The following LRRTM4 variants were observed in gnomAD, a reference collection of about 807,000 sequenced individuals.
The protein encoded by LRRTM4 is leucine rich repeat transmembrane neuronal 4, also known as leucine-rich repeat transmembrane neuronal protein 4.
Under a neutral mutation model 47.6 loss-of-function variants are expected in LRRTM4, and 25 were observed. That is an observed-to-expected ratio of 0.53 (90% confidence interval 0.38 to 0.73). The LOEUF is 0.73. LRRTM4 is among the 30% of genes least tolerant of loss of function. The pLI, the probability that LRRTM4 is intolerant of heterozygous loss-of-function variation, is 0.00. For missense variants in LRRTM4, 638 were observed against 713.4 expected (o/e 0.89, Z 1.20); for synonymous variants, 311 against 269.5 (o/e 1.15, Z -1.51).
chr2:76,781,389 G>A lies in LRRTM4; in HGVS notation c.1552-32473C>T, dbSNP rs370342078. Among the ~76,000 whole-genome samples the A allele has an allele frequency of 1.3e-3, 204 of 152,350 alleles. 2 individuals are homozygous for A. The highest frequency in any genetic ancestry group is 3.1e-3 in the East Asian group (16 of 5,174). ...TTGCAGTTTGATCTCAGACTGCTGT[G>A]CTAGCAATCAGCGAGACTCCGTGGG... On this transcript the variant is annotated intron_variant, in intron 3 of 3. Transcript: ENST00000409884.
chr2:77,229,731 C>T (rs1674912665), intron 3 of LRRTM4, among the ~76,000 whole-genome samples: 1 of 152,090 alleles, frequency 6.6e-6, no homozygotes, highest in South Asian at 2.1e-4. Context: ...ATGTCTCTTC[C>T]TGGAATATCT....
chr2:77,164,316 C>A (rs1272515382), intron 3 of LRRTM4, among the ~76,000 whole-genome samples: 1 of 152,088 alleles, frequency 6.6e-6, no homozygotes, highest in East Asian at 1.9e-4. Flanking sequence ...TAAAGCAAGT[C>A]CTTAGACACC....
At chr2:76,815,602 C>A (rs1241923624) in intron 3 of LRRTM4, among the ~76,000 whole-genome samples, 1 of 152,018 alleles carries the variant, frequency 6.6e-6, no homozygotes, top group African/African-American at 2.4e-5. Context: ...ATAATACAAG[C>A]TTTTATTATT....
In LRRTM4 at chr2:76,748,514, G is replaced by A. The variant is rs536343342; in HGVS notation, c.*181C>T. The A allele has an allele frequency of 5.0e-6, 3 of 597,794 alleles. No individual in the cohort carries two copies. Among genetic ancestry groups the A allele is most frequent in the East Asian group, 2.8e-5 (1 of 36,028 alleles). 37.0% of individuals were successfully genotyped at this position (597,794 alleles called of 1,614,324 possible). The stretch of plus-strand genomic sequence containing the variant: ...CTGCAGTCCTCCCGGTAATGCTGCA[G>A]GTGCATTCGCTGCCCTCTTCAAGCA... On this transcript the variant is annotated 3_prime_UTR_variant, in exon 4 of 4. Coordinates refer to ENST00000409884, the MANE Select transcript of LRRTM4 (RefSeq NM_001134745.3).
intron 3 of LRRTM4, among the ~76,000 whole-genome samples, chr2:77,252,101 A>G (rs1461040968): frequency 1.3e-5 from 2 of 152,180 alleles, no homozygotes; most frequent in East Asian, 3.8e-4. Context: ...TCCGTCATTC[A>G]CCAAACTCAA....
At position 76,777,697 on chromosome 2, in the gene LRRTM4, G is replaced by A. The variant is rs935348979; in HGVS notation, c.1552-28781C>T. 7.1e-3 allele frequency among the ~76,000 whole-genome samples: 1,058 copies of A among 149,874 alleles called. 6 individuals carry two copies. Among genetic ancestry groups the A allele is most frequent in the African/African-American group, 0.024 (956 of 40,628 alleles). ...GGTTTTCTAGATATACAATCATGTCGTCTGCAAACAGGGACAATTTGACTT... is the reference window on the plus strand; with the variant it reads ...GGTTTTCTAGATATACAATCATGTCATCTGCAAACAGGGACAATTTGACTT... On this transcript the variant is annotated intron_variant, in intron 3 of 3. Transcript: ENST00000409884.
At chr2:77,068,255 T>C (rs1212747514) in intron 3 of LRRTM4, among the ~76,000 whole-genome samples, 1 of 152,166 alleles carries the variant, frequency 6.6e-6, no homozygotes, top group Non-Finnish European at 1.5e-5. Flanking sequence ...GCTAGAAACT[T>C]GTAAGTTGTT....
At position 77,509,704 on chromosome 2, in the gene LRRTM4, A is replaced by C. The variant is rs187696375; in HGVS notation, c.1551+8614T>G. 2.0e-5 allele frequency among the ~76,000 whole-genome samples: 3 copies of C among 152,290 alleles called. No individual in the cohort carries two copies. In the East Asian group the frequency reaches 5.8e-4, roughly 29 times the overall value. On this transcript the variant is annotated intron_variant, in intron 3 of 3. Transcript: ENST00000409884. ...TTTACACTGTAGCTTTTTATGGAGG[A>C]GTTCAGAGTGGTTTCTGAATAGTAC...
At chr2:77,163,861 A>T (rs912968456) in intron 3 of LRRTM4, among the ~76,000 whole-genome samples, 32 of 152,324 alleles carry the variant, frequency 2.1e-4, no homozygotes, top group Non-Finnish European at 1.5e-5. Context: ...AAACATGCCA[A>T]ATTGTAAAGA....
At chr2:77,321,165 C>A (rs964895513) in intron 3 of LRRTM4, among the ~76,000 whole-genome samples, 8 of 152,112 alleles carry the variant, frequency 5.3e-5, no homozygotes, top group Non-Finnish European at 1.0e-4. Flanking sequence ...GCATTTCAAT[C>A]TTTCTGTCCT....
At chr2:77,340,171 A>C (rs2104273133) in intron 3 of LRRTM4, among the ~76,000 whole-genome samples, 1 of 152,062 alleles carries the variant, frequency 6.6e-6, no homozygotes, top group Admixed American at 6.6e-5. Flanking sequence ...TCTGTTTGGT[A>C]TCACTAAAAT....
chr2:77,039,326 CT>C (rs11302579), intron 3 of LRRTM4, among the ~76,000 whole-genome samples: 102,396 of 146,582 alleles, frequency 0.7, 36,927 homozygotes, highest in African/African-American at 0.91. Flanking sequence ...AATTGTAAGT[CT>C]TTTTTTTTTT....
At chr2:76,819,351 G>T (rs991916438) in intron 3 of LRRTM4, among the ~76,000 whole-genome samples, 1 of 151,684 alleles carries the variant, frequency 6.6e-6, no homozygotes, top group Admixed American at 6.6e-5. Context: ...AAAATAGTAC[G>T]CATACTTCCC....
intron 3 of LRRTM4, among the ~76,000 whole-genome samples, chr2:77,179,036 T>C (rs999596195): frequency 6.6e-6 from 1 of 152,208 alleles, no homozygotes; most frequent in Non-Finnish European, 1.5e-5. Flanking sequence ...TTTTAGCTTC[T>C]ATAATCTGTA....
At chr2:77,202,571 G>A (rs1276665003) in intron 3 of LRRTM4, among the ~76,000 whole-genome samples, 3 of 150,218 alleles carry the variant, frequency 2.0e-5, no homozygotes, top group Non-Finnish European at 3.0e-5. Flanking sequence ...CCAGAAAGTC[G>A]AGCCTAAGAA....
chr2:77,487,201 C>G (rs1377465244), intron 3 of LRRTM4, among the ~76,000 whole-genome samples: 1 of 152,294 alleles, frequency 6.6e-6, no homozygotes, highest in East Asian at 1.9e-4. Context: ...GTTGGTGGGG[C>G]AGAAGCCCTG....
chr2:77,479,718 T>C (rs1214706469), intron 3 of LRRTM4, among the ~76,000 whole-genome samples: 2 of 152,050 alleles, frequency 1.3e-5, no homozygotes, highest in Non-Finnish European at 2.9e-5. Context: ...TCTCTCTCTT[T>C]CTCTTCTCTC....
intron 3 of LRRTM4, among the ~76,000 whole-genome samples, chr2:76,831,764 C>G (rs1467150372): frequency 1.3e-5 from 2 of 152,198 alleles, no homozygotes; most frequent in East Asian, 3.9e-4. Context: ...TGGGATCCTA[C>G]TGTTGTCACT....
At chr2:77,039,320 G>C (rs55665810) in intron 3 of LRRTM4, among the ~76,000 whole-genome samples, 18,124 of 111,918 alleles carry the variant, frequency 0.16, 1,371 homozygotes, top group Admixed American at 0.25. Context: ...TTTTAAAATT[G>C]TAAGTCTTTT....
Sources: allele counts gnomAD v4.1 joint callset (sites outside exome capture counted in the v4.1 genomes callset), GRCh38; gene constraint gnomAD v4.1.1; transcripts MANE v1.5; gene names NCBI Gene and HGNC (gene_info 2026-07-23, HGNC 2026-07-21).